The following CTNS variants were observed in gnomAD, a reference collection of about 807,000 sequenced individuals.
CTNS encodes the protein cystinosin.
Under a neutral mutation model 43.7 loss-of-function variants are expected in CTNS, and 27 were observed. The observed-to-expected ratio is 0.62, with a 90% confidence interval of 0.46 to 0.85. CTNS has a LOEUF of 0.85. Ranked by LOEUF, CTNS falls within the 40% of genes least tolerant of loss-of-function variation. The pLI is 0.00. For missense variants in CTNS, 457 were observed against 475.4 expected (o/e 0.96, Z 0.36); for synonymous variants, 187 against 190.6 (o/e 0.98, Z 0.16).
intron 3 of CTNS, among the ~76,000 whole-genome samples, chr17:3,645,790 G>A (rs1344806329): frequency 6.6e-6 from 1 of 150,976 alleles, no homozygotes; most frequent in Non-Finnish European, 1.5e-5. Flanking sequence ...AACCCAGGAG[G>A]CAGAGGTTGC....
Position 3,662,223 on chromosome 17 carries a change from A to C in CTNS, c.*1854A>C, listed in dbSNP as rs2076287673. Among the ~76,000 whole-genome samples, 1 of 152,094 alleles carries C rather than the reference A, an allele frequency of 6.6e-6. No individual in the cohort carries two copies. Among genetic ancestry groups the C allele is most frequent in the African/African-American group, 2.4e-5 (1 of 41,406 alleles). On this transcript the variant is annotated 3_prime_UTR_variant, in exon 12 of 12. Transcript: ENST00000046640. Reference sequence around the variant, plus strand: ...CTACTTGGTTGGCTGAGGCAGGAGAATTACTTGAACCCAGGAGGCGGAGGT... The same window carrying C: ...CTACTTGGTTGGCTGAGGCAGGAGACTTACTTGAACCCAGGAGGCGGAGGT...
chr17:3,660,707 C>T lies in CTNS; in HGVS notation c.*338C>T, dbSNP rs2076263223. 1.9e-6 allele frequency: 3 copies of T among 1,613,622 alleles called. No homozygotes were observed. The highest frequency in any genetic ancestry group is 1.1e-5 in the South Asian group (1 of 91,088). ...CGAAGGCCTTGCCCCAAACTACCAG[C>T]GTTTCTGCAAGCAGCTTGAAGGGCT... On this transcript the variant is annotated 3_prime_UTR_variant, in exon 12 of 12. Coordinates refer to ENST00000046640, the MANE Select transcript of CTNS (RefSeq NM_004937.3).
At chr17:3,657,620 T>C in intron 9 of CTNS, 1 of 324,718 alleles carries the variant, frequency 3.1e-6, no homozygotes, top group Non-Finnish European at 5.9e-6. Flanking sequence ...GTGGGACGAG[T>C]CAGTACCTGG....
intron 3 of CTNS, among the ~76,000 whole-genome samples, chr17:3,645,973 C>CA (rs1281623508): frequency 9.5e-6 from 1 of 105,280 alleles, no homozygotes; most frequent in African/African-American, 3.4e-5. Context: ...GGGAACTGGG[C>CA]CTGGGGGGTC....
chr17:3,644,812 T>C (rs1326308577), intron 3 of CTNS, among the ~76,000 whole-genome samples: 2 of 152,134 alleles, frequency 1.3e-5, no homozygotes, highest in Non-Finnish European at 2.9e-5. Flanking sequence ...TATTGGCTAG[T>C]CTGGTCTCCA....
chr17:3,638,507 G>A (rs891813995), intron 2 of CTNS, among the ~76,000 whole-genome samples: 1 of 146,376 alleles, frequency 6.8e-6, no homozygotes, highest in East Asian at 1.9e-4. Context: ...CAAAGTGCTG[G>A]AATTACACAC....
At chr17:3,643,268 C>G (rs544525246) in intron 3 of CTNS, among the ~76,000 whole-genome samples, 1 of 151,662 alleles carries the variant, frequency 6.6e-6, no homozygotes, top group African/African-American at 2.4e-5. Flanking sequence ...GAGTCGAGAT[C>G]GTGCCACTGC....
Position 3,656,662 on chromosome 17 carries a change from C to T in CTNS, c.562-14C>T. The T allele has an allele frequency of 1.9e-6, 3 of 1,613,098 alleles. No individual in the cohort carries two copies. The highest frequency in any genetic ancestry group is 2.5e-6 in the Non-Finnish European group (3 of 1,179,896). Reference sequence around the variant, plus strand: ...CTGCCCCTCACCACCCAGCTTCTCCCACCCACCAAACAGGAGCAGTTTCTC... The same window carrying T: ...CTGCCCCTCACCACCCAGCTTCTCCTACCCACCAAACAGGAGCAGTTTCTC... On this transcript the variant is annotated splice_polypyrimidine_tract_variant and intron_variant, in intron 8 of 11. Transcript: ENST00000046640.
intron 2 of CTNS, among the ~76,000 whole-genome samples, chr17:3,638,474 G>A (rs1393582066): frequency 6.6e-6 from 1 of 151,916 alleles, no homozygotes; most frequent in East Asian, 1.9e-4. Flanking sequence ...CTGACTTCAA[G>A]TGATCCAACT....
chr17:3,660,207 AC>A, intron 11 of CTNS, 28 bp from the exon 12 acceptor site: 1 of 1,613,764 alleles, frequency 6.2e-7, no homozygotes, highest in Non-Finnish European at 8.5e-7. Flanking sequence ...CCAACCTAAC[AC>A]CAGCTTCTGT....
rs1430977635 is a variant in CTNS, at chr17:3,659,911, G to A, written c.906G>A (p.Val302=). ...CTGAGGGCTGGAGCATTGGCAACGT[G>A]CTCCTGGACTTCACCGGGGGCAGCT... ...KSTEGWSIGN[V]LLDFTGGSFS... The change falls in exon 11 of 12, where the codon GTG becomes GTA. Residue 302 remains valine (V), a synonymous_variant. Coordinates refer to ENST00000046640, the MANE Select transcript of CTNS (RefSeq NM_004937.3). 6.2e-7 allele frequency: 1 copy of A among 1,613,892 alleles called. No individual in the cohort carries two copies. Among genetic ancestry groups the A allele is most frequent in the Non-Finnish European group, 8.5e-7 (1 of 1,180,038 alleles).
chr17:3,655,550 C>T, intron 7 of CTNS, 198 bp downstream of exon 7: 1 of 696,882 alleles, frequency 1.4e-6, no homozygotes, highest in South Asian at 1.7e-5. Context: ...CCTTGCCCAG[C>T]TCAGCCCCTC....
At chr17:3,638,233 T>G (rs1463787785) in intron 2 of CTNS, among the ~76,000 whole-genome samples, 1 of 51,224 alleles carries the variant, frequency 2.0e-5, no homozygotes, top group East Asian at 2.9e-4. Context: ...CTGGTTTTTT[T>G]TTTGTTTTTT....
chr17:3,661,850 T>C lies in CTNS; in HGVS notation c.*1481T>C, dbSNP rs192729898. 1.3e-5 allele frequency among the ~76,000 whole-genome samples: 2 copies of C among 152,292 alleles called. No homozygotes were observed. Among genetic ancestry groups the C allele is most frequent in the Non-Finnish European group, 2.9e-5 (2 of 68,018 alleles). On this transcript the variant is annotated 3_prime_UTR_variant, in exon 12 of 12. Transcript: ENST00000046640. Reference sequence around the variant, plus strand: ...GGGAGCGGGGGCAGTGGGGGTCTTATTCTCCAGACGCTTCCTCTATCTAGT... The same window carrying C: ...GGGAGCGGGGGCAGTGGGGGTCTTACTCTCCAGACGCTTCCTCTATCTAGT...
chr17:3,647,260 C>T (rs1406630737), intron 3 of CTNS, among the ~76,000 whole-genome samples, 184 bp from the exon 4 acceptor site: 1 of 152,240 alleles, frequency 6.6e-6, no homozygotes, highest in East Asian at 1.9e-4. Context: ...TCCTCCATCT[C>T]TGTCTCTGGC....
At chr17:3,643,844 G>T (rs1377453728) in intron 3 of CTNS, among the ~76,000 whole-genome samples, 1 of 152,174 alleles carries the variant, frequency 6.6e-6, no homozygotes, top group African/African-American at 2.4e-5. Context: ...TGGGATTACA[G>T]GCGTGAGCCA....
At chr17:3,641,203 G>C (rs549595247) in intron 3 of CTNS, among the ~76,000 whole-genome samples, 1 of 151,572 alleles carries the variant, frequency 6.6e-6, no homozygotes, top group Admixed American at 6.6e-5. Flanking sequence ...TTCAGTGCAG[G>C]CCTCTTTGAG....
intron 3 of CTNS, among the ~76,000 whole-genome samples, chr17:3,642,254 C>T (rs2075738809): frequency 6.6e-6 from 1 of 151,798 alleles, no homozygotes; most frequent in Non-Finnish European, 1.5e-5. Flanking sequence ...GCTACCACCA[C>T]TCCAGTTACC....
chr17:3,649,478 C>G (rs1017286718), intron 5 of CTNS, among the ~76,000 whole-genome samples: 1 of 149,198 alleles, frequency 6.7e-6, no homozygotes, highest in Non-Finnish European at 1.5e-5. Flanking sequence ...AAAGTTCTTA[C>G]AATTTTCAAG....
Sources: allele counts gnomAD v4.1 joint callset (sites outside exome capture counted in the v4.1 genomes callset), GRCh38; gene constraint gnomAD v4.1.1; transcripts MANE v1.5; gene names NCBI Gene and HGNC (gene_info 2026-07-23, HGNC 2026-07-21).